The following IFFO2 variants were observed in gnomAD, a reference collection of about 807,000 sequenced individuals.
The protein encoded by IFFO2 is intermediate filament family orphan 2.
Under a neutral mutation model 53.5 loss-of-function variants are expected in IFFO2, and 19 were observed. The ratio of observed to expected loss-of-function variants is 0.36; its 90% CI spans 0.25 to 0.52. The LOEUF is 0.52. IFFO2 is among the 20% of genes least tolerant of loss of function. IFFO2 has a pLI of 0.94. For synonymous variants in IFFO2, 303 were observed against 313.6 expected (o/e 0.97, Z 0.36); for missense variants, 570 against 727.4 (o/e 0.78, Z 2.49).
At chr1:18,921,039 C>T (rs747950939) in intron 2 of IFFO2, 22 bp downstream of exon 2, 25 of 1,550,546 alleles carry the variant, frequency 1.6e-5, no homozygotes, top group Non-Finnish European at 1.9e-5. Flanking sequence ...CTCTCCTGGT[C>T]GGGATATCGG....
intron 1 of IFFO2, among the ~76,000 whole-genome samples, chr1:18,927,144 G>A (rs113545677): frequency 6.6e-6 from 1 of 152,190 alleles, no homozygotes; most frequent in Admixed American, 6.5e-5. Flanking sequence ...GGGATGGTGT[G>A]GGTAAAAGCA....
chr1:18,940,336 G>A (rs540036481), intron 1 of IFFO2, among the ~76,000 whole-genome samples: 13 of 152,272 alleles, frequency 8.5e-5, no homozygotes, highest in Admixed American at 2.6e-4. Context: ...TCCGCCACTC[G>A]CCCCGTGCAA....
intron 1 of IFFO2, among the ~76,000 whole-genome samples, chr1:18,943,954 C>T (rs1936554350): frequency 6.6e-6 from 1 of 152,164 alleles, no homozygotes; most frequent in South Asian, 2.1e-4. Flanking sequence ...AGTGCTCTGT[C>T]CTCTGGGAGT....
chr1:18,918,356 A>C lies in IFFO2; in HGVS notation c.963+6T>G. The stretch of plus-strand genomic sequence containing the variant: ...GTTGGCTGGTGAGCAGGGCAGCCCT[A>C]GTCACCTGGAAGATCTTGGACACGT... On this transcript the variant is annotated splice_donor_region_variant and intron_variant, in intron 4 of 8. Coordinates refer to ENST00000455833, the MANE Select transcript of IFFO2 (RefSeq NM_001136265.2). This position sits in a 1 kb window ranked among gnomAD's most constrained non-coding sequence, Gnocchi z 5.2. 6.4e-7 allele frequency: 1 copy of C among 1,550,578 alleles called. No individual in the cohort carries two copies. The highest frequency in any genetic ancestry group is 1.2e-5 in the South Asian group (1 of 84,038).
At chr1:18,915,267 G>A (rs1025072993) in intron 5 of IFFO2, among the ~76,000 whole-genome samples, 1 of 152,194 alleles carries the variant, frequency 6.6e-6, no homozygotes, top group African/African-American at 2.4e-5. Context: ...GGGAGGTTAG[G>A]AGAGCCCGTG....
At chr1:18,954,134 G>A (rs755925423) in intron 1 of IFFO2, among the ~76,000 whole-genome samples, 22 of 152,206 alleles carry the variant, frequency 1.4e-4, no homozygotes, top group East Asian at 3.9e-4. Context: ...AGAGAAGCCC[G>A]TCTCCCAGTG....
At chr1:18,923,679 C>A (rs948951731) in intron 1 of IFFO2, among the ~76,000 whole-genome samples, 14 of 152,206 alleles carry the variant, frequency 9.2e-5, no homozygotes, top group African/African-American at 3.4e-4. Context: ...AAGCAGGGAG[C>A]TGGGACTCAA....
At position 18,940,626 on chromosome 1, in the gene IFFO2, C is replaced by T. The variant is rs190868954; in HGVS notation, c.665+15042G>A. On this transcript the variant is annotated intron_variant, in intron 1 of 8. Transcript: ENST00000455833. ...ATGGATGGACAGACGGACGGACAGA[C>T]GGATGGAAGAATAAATGATCAAGTA... Among the ~76,000 whole-genome samples, 67 of 152,020 alleles carry T rather than the reference C, an allele frequency of 4.4e-4. 1 individual carries two copies. In the East Asian group the frequency reaches 0.012, roughly 28 times the overall value.
At chr1:18,909,164 TGAG>T (rs1935995729) in intron 8 of IFFO2, among the ~76,000 whole-genome samples, 1 of 151,744 alleles carries the variant, frequency 6.6e-6, no homozygotes, top group African/African-American at 2.4e-5. Context: ...TCTGGGGGTT[TGAG>T]GAGTTAAAGG....
intron 1 of IFFO2, among the ~76,000 whole-genome samples, chr1:18,931,441 C>A (rs1466076419): frequency 6.6e-6 from 1 of 152,134 alleles, no homozygotes; most frequent in Non-Finnish European, 1.5e-5. Flanking sequence ...GGCTTGGGTA[C>A]CCCTTCATCA....
chr1:18,918,303 G>A lies in IFFO2; in HGVS notation c.963+59C>T, dbSNP rs1936165254. 25 of 1,523,496 alleles carry A rather than the reference G, an allele frequency of 1.6e-5. No individual in the cohort carries two copies. In the South Asian group the frequency reaches 3.0e-4, roughly 18 times the overall value. The allele number at this position is 1,523,496 out of a possible 1,614,324, so 94.4% of individuals were successfully genotyped here. On this transcript the variant is annotated intron_variant, in intron 4 of 8. Transcript: ENST00000455833. The surrounding 1 kb of genome is among the most constrained non-coding windows in gnomAD (Gnocchi z 5.2). ...AACGGGTTGGCCGGGCAGGGGTGGA[G>A]GCCAGGGCTGCTCTGGGAGAGTGGG... is the stretch of plus-strand genomic sequence containing the variant.
At chr1:18,935,318 G>A (rs901969247) in intron 1 of IFFO2, among the ~76,000 whole-genome samples, 2 of 152,192 alleles carry the variant, frequency 1.3e-5, no homozygotes, top group Admixed American at 6.5e-5. Flanking sequence ...CAAAAGGGTA[G>A]ACAGAGGTCT....
chr1:18,945,434 G>T (rs893866825), intron 1 of IFFO2, among the ~76,000 whole-genome samples: 3 of 152,216 alleles, frequency 2.0e-5, no homozygotes, highest in African/African-American at 7.2e-5. Flanking sequence ...AACTTCACAA[G>T]ATCTACTTAG....
intron 1 of IFFO2, among the ~76,000 whole-genome samples, chr1:18,927,436 G>T (rs1003674798): frequency 4.6e-5 from 7 of 152,236 alleles, no homozygotes; most frequent in African/African-American, 1.7e-4. Flanking sequence ...CCTTCCCGGC[G>T]GGTGGAGGGC....
rs764023535 is a variant in IFFO2, at chr1:18,911,977, C to G, written c.1210G>C (p.Asp404His). The G allele has an allele frequency of 2.6e-6, 4 of 1,551,714 alleles. No homozygotes were observed. In the Admixed American group the frequency reaches 5.9e-5, roughly 23 times the overall value. ...GCTGGGCTTACCTCGCCCTGCAGGTCGATGGTCGGATTGCAGTTGGTGAAA... is the reference window on the plus strand; with the variant it reads ...GCTGGGCTTACCTCGCCCTGCAGGTGGATGGTCGGATTGCAGTTGGTGAAA... ...EDFTNCNPTI[D>H]LQGEQEENLG... Residue 404 changes from aspartate (D) to histidine (H), a missense_variant, in exon 6 of 9, where the codon GAC (aspartate) becomes CAC (histidine). By Grantham distance (81) the Asp-to-His change is moderately conservative. Coordinates refer to ENST00000455833, the MANE Select transcript of IFFO2 (RefSeq NM_001136265.2).
intron 1 of IFFO2, among the ~76,000 whole-genome samples, chr1:18,921,841 C>T (rs6674194): frequency 0.019 from 2,895 of 152,176 alleles, 108 homozygotes; most frequent in African/African-American, 0.066. Context: ...CTGCCCGAAG[C>T]TGAATAGGAA....
rs1276855037 is a variant in IFFO2, at chr1:18,917,006, C to T, written c.1000G>A (p.Asp334Asn). 6 of 1,552,272 alleles carry T rather than the reference C, an allele frequency of 3.9e-6. No individual in the cohort carries two copies. Among genetic ancestry groups the T allele is most frequent in the Admixed American group, 2.0e-5 (1 of 51,010 alleles). The change falls in exon 5 of 9, where the codon GAT becomes AAT. Residue 334 changes from aspartate (D) to asparagine (N), a missense_variant. Physicochemically the swap from Asp to Asn is conservative, Grantham distance 23. Transcript: ENST00000455833. The surrounding 1 kb of genome is among the most constrained non-coding windows in gnomAD (Gnocchi z 5.9). ...CCGTCCTGCTCAGAGATGTCATCAT[C>T]GGAAGCCACCTTACGCTCTTTCTTT... ...PKKKERKVAS[D>N]DDISEQDGEV...
At position 18,949,458 on chromosome 1, in the gene IFFO2, G is replaced by A. The variant is rs181401443; in HGVS notation, c.665+6210C>T. Among the ~76,000 whole-genome samples the A allele has an allele frequency of 4.3e-3, 658 of 152,368 alleles. 9 individuals carry two copies. The highest frequency in any genetic ancestry group is 0.014 in the African/African-American group (598 of 41,594). ...ACACATCCCTAATCCTGAGCACAGGGACATGACAGGGCTGCCTCCTTCCCG... is the reference window on the plus strand; with the variant it reads ...ACACATCCCTAATCCTGAGCACAGGAACATGACAGGGCTGCCTCCTTCCCG... On this transcript the variant is annotated intron_variant, in intron 1 of 8. Coordinates refer to ENST00000455833, the MANE Select transcript of IFFO2 (RefSeq NM_001136265.2).
At position 18,955,730 on chromosome 1, in the gene IFFO2, C is replaced by T. The variant is rs530720309; in HGVS notation, c.603G>A (p.Glu201=). ...CCAGCACGTTGTAGAGCGCGCGGATCTCCGGCGTGATGGTGTCGATCTGCA... is the reference window on the plus strand; with the variant it reads ...CCAGCACGTTGTAGAGCGCGCGGATTTCCGGCGTGATGGTGTCGATCTGCA... ...VGVQIDTITP[E]IRALYNVLAK... is the part of the protein sequence containing the mutation. Residue 201 remains glutamate, a synonymous_variant, in exon 1 of 9, where the codon GAG becomes GAA. Transcript: ENST00000455833. The T allele has an allele frequency of 1.8e-5, 29 of 1,592,462 alleles. No homozygotes were observed. In the African/African-American group the frequency reaches 3.9e-4, roughly 21 times the overall value.
Sources: allele counts gnomAD v4.1 joint callset (sites outside exome capture counted in the v4.1 genomes callset), GRCh38; gene constraint gnomAD v4.1.1; non-coding constraint Gnocchi (gnomAD v3.1); transcripts MANE v1.5; gene names NCBI Gene and HGNC (gene_info 2026-07-23, HGNC 2026-07-21).